Variants in DYM observed in about 807,000 individuals in gnomAD.
DYM encodes the protein dymeclin.
A neutral mutation model predicts 93.1 loss-of-function variants in DYM; 78 were observed. That is an observed-to-expected ratio of 0.84 (90% CI 0.70 to 1.01). The LOEUF is 1.01. Among genes scored for constraint, DYM ranks in the 50% least tolerant of loss-of-function variants. The probability of loss-of-function intolerance (pLI) is 0.00; values close to 1 mark genes in which losing one functional copy is unlikely to be tolerated. For missense variants in DYM, 789 were observed against 845.0 expected, an observed-to-expected ratio of 0.93 and a Z score of 0.82; for synonymous variants, 321 against 319.7, an observed-to-expected ratio of 1.00 and a Z score of -0.04.
chr18:49,216,315 TG>T (rs2093040961), intron 13 of DYM, among the ~76,000 whole-genome samples: 1 of 152,190 alleles, frequency 6.6e-6, no homozygotes, highest in African/African-American at 2.4e-5. Flanking sequence ...GCTCCACCTC[TG>T]GGGGCAAGGC....
chr18:49,221,823 G>C (rs2093370138), intron 13 of DYM, among the ~76,000 whole-genome samples: 1 of 152,012 alleles, frequency 6.6e-6, no homozygotes, highest in Admixed American at 6.6e-5. Context: ...GAGTTAATGG[G>C]TGGAGCACAC....
intron 8 of DYM, among the ~76,000 whole-genome samples, chr18:49,294,801 T>C (rs1232430992): frequency 3.3e-5 from 5 of 152,044 alleles, no homozygotes; most frequent in Admixed American, 6.6e-5. Context: ...AAAAAAAAGA[T>C]ACTATGCACT....
chr18:49,137,875 A>C (rs1660257064), intron 15 of DYM, among the ~76,000 whole-genome samples: 1 of 152,204 alleles, frequency 6.6e-6, no homozygotes, highest in Non-Finnish European at 1.5e-5. Flanking sequence ...CTAAATGTGC[A>C]CAGAAGCAAC....
intron 1 of DYM, among the ~76,000 whole-genome samples, chr18:49,443,133 C>T (rs1321100328): frequency 1.3e-5 from 2 of 152,146 alleles, no homozygotes; most frequent in African/African-American, 2.4e-5. Context: ...TAGGCATAAG[C>T]CACTGCGCCC....
chr18:49,209,750 G>A (rs1159160484), intron 13 of DYM, 35 bp from the exon 14 acceptor site: 2 of 1,181,206 alleles, frequency 1.7e-6, no homozygotes, highest in African/African-American at 3.2e-5. Flanking sequence ...GAAACAGAAA[G>A]AGAGGAGTTT....
chr18:49,364,453 AAAAG>A (rs915274136), intron 5 of DYM, among the ~76,000 whole-genome samples: 7 of 151,956 alleles, frequency 4.6e-5, no homozygotes, highest in African/African-American at 9.6e-5. Context: ...TCAAAAAAAA[AAAAG>A]AAAGAAAGAA....
intron 17 of DYM, among the ~76,000 whole-genome samples, chr18:49,074,897 T>G (rs1312739486): frequency 6.6e-6 from 1 of 152,108 alleles, no homozygotes; most frequent in Non-Finnish European, 1.5e-5. Context: ...CAGATGTGGG[T>G]AGGAGTTGCA....
At chr18:49,164,569 CA>C (rs1368732940) in intron 14 of DYM, among the ~76,000 whole-genome samples, 3 of 152,176 alleles carry the variant, frequency 2.0e-5, no homozygotes, top group African/African-American at 4.8e-5. Flanking sequence ...CTGCATTTTG[CA>C]AGGTGGAATA....
In DYM at chr18:49,096,419, G is replaced by A. The variant is rs575933902; in HGVS notation, c.2025+983C>T. Among the ~76,000 whole-genome samples, 25 of 152,244 alleles carry A rather than the reference G, an allele frequency of 1.6e-4. No individual in the cohort carries two copies. In the East Asian group the frequency reaches 4.8e-3, roughly 29 times the overall value. The stretch of plus-strand genomic sequence containing the variant: ...GCATTCATTAAGCAGTGGTTCTAGT[G>A]ATAGTGCTGAAAAACATAGCCCCCA... On this transcript the variant is annotated intron_variant, in intron 17 of 17. Coordinates refer to ENST00000675505, the MANE Select transcript of DYM (RefSeq NM_001353214.3).
chr18:49,318,372 C>T (rs1245315561), intron 8 of DYM, among the ~76,000 whole-genome samples: 1 of 152,226 alleles, frequency 6.6e-6, no homozygotes, highest in Non-Finnish European at 1.5e-5. Context: ...GTAATCCCAG[C>T]ACTTTGGGAG....
At chr18:49,251,476 C>T (rs480460) in intron 13 of DYM, among the ~76,000 whole-genome samples, 151,613 of 152,302 alleles carry the variant, frequency 1, 75,469 homozygotes, top group Middle Eastern at 1. Flanking sequence ...TTACCTAGGA[C>T]AGGGGATTTA....
intron 17 of DYM, among the ~76,000 whole-genome samples, chr18:49,079,323 C>T (rs2077581042): frequency 6.6e-6 from 1 of 151,472 alleles, no homozygotes; most frequent in Non-Finnish European, 1.5e-5. Flanking sequence ...GTTCCATTTT[C>T]TTGATTCTGT....
chr18:49,414,112 G>A (rs539399415), intron 2 of DYM, among the ~76,000 whole-genome samples: 1 of 152,076 alleles, frequency 6.6e-6, no homozygotes, highest in African/African-American at 2.4e-5. Context: ...AATACCCAGA[G>A]TAGTCAAATT....
Position 49,114,550 on chromosome 18 carries a change from C to T in DYM, c.1911+4194G>A, listed in dbSNP as rs1033035792. The T allele has an allele frequency of 8.1e-6, 8 of 985,268 alleles. No homozygotes were observed. The African/African-American group carries it at 1.4e-4, about 17-fold the overall frequency. The allele number at this position is 985,268 out of a possible 1,614,324, so 61.0% of individuals were successfully genotyped here. On this transcript the variant is annotated intron_variant, in intron 16 of 17. Transcript: ENST00000675505. ...TTCCTCACCTCCACTCTGCTTTTCACTTCTTCCAAAGGAGAATGTGTTTCA... is the reference window on the plus strand; with the variant it reads ...TTCCTCACCTCCACTCTGCTTTTCATTTCTTCCAAAGGAGAATGTGTTTCA...
chr18:49,218,499 T>C (rs1383810282), intron 13 of DYM, among the ~76,000 whole-genome samples: 3 of 152,126 alleles, frequency 2.0e-5, no homozygotes, highest in Non-Finnish European at 2.9e-5. Context: ...GACCACATAG[T>C]TGGAAGTAGA....
chr18:49,318,180 T>C (rs550717489), intron 8 of DYM, among the ~76,000 whole-genome samples: 1 of 152,274 alleles, frequency 6.6e-6, no homozygotes, highest in Non-Finnish European at 1.5e-5. Context: ...AACCCAGAGA[T>C]GCAAGCAGTT....
chr18:49,297,884 C>G (rs2060656782), intron 8 of DYM, among the ~76,000 whole-genome samples: 1 of 151,774 alleles, frequency 6.6e-6, no homozygotes, highest in Non-Finnish European at 1.5e-5. Context: ...ATCACTTTTT[C>G]TATTTAATCA....
intron 14 of DYM, among the ~76,000 whole-genome samples, chr18:49,184,185 G>A (rs2090203124): frequency 2.0e-5 from 3 of 152,074 alleles, no homozygotes; most frequent in Admixed American, 2.0e-4. Flanking sequence ...GGGCTCTTGG[G>A]TCTCCAGTAG....
At chr18:49,328,892 A>G (rs899650139) in intron 8 of DYM, among the ~76,000 whole-genome samples, 1 of 152,198 alleles carries the variant, frequency 6.6e-6, no homozygotes, top group Non-Finnish European at 1.5e-5. Context: ...TCAGGGTTCT[A>G]GAACTAGAAA....
Sources: gnomAD v4.1 joint callset for allele counts (sites outside exome capture counted in the v4.1 genomes callset) on GRCh38, gnomAD v4.1.1 for gene constraint, MANE v1.5 for transcripts, NCBI Gene and HGNC (gene_info 2026-07-23, HGNC 2026-07-21) for gene names.